BTAF1: variants seen among roughly 807,000 people sequenced by gnomAD.
BTAF1 encodes the protein B-TFIID TATA-box binding protein associated factor 1, also known as TATA-binding protein-associated factor 172.
Under a neutral mutation model 227.1 loss-of-function variants are expected in BTAF1, and 38 were observed. That is an observed-to-expected ratio of 0.17 (90% CI 0.13 to 0.22). The LOEUF (loss-of-function observed/expected upper bound fraction) is 0.22, where lower values mean the gene tolerates loss of function less well. Among genes scored for constraint, BTAF1 ranks in the 10% least tolerant of loss-of-function variants. The probability of loss-of-function intolerance (pLI) is 1.00; values close to 1 mark genes in which losing one functional copy is unlikely to be tolerated. For synonymous variants in BTAF1, 742 were observed against 751.9 expected (o/e 0.99, Z 0.21); for missense variants, 1,598 against 2,204.0 (o/e 0.73, Z 5.51).
intron 23 of BTAF1, 105 bp downstream of exon 23, chr10:91,994,749 T>G: frequency 1.1e-6 from 1 of 926,522 alleles, no homozygotes; most frequent in Non-Finnish European, 1.6e-6. Context: ...CCTTATTAAT[T>G]GCATTTTTCT....
intron 25 of BTAF1, 97 bp from the exon 26 acceptor site, chr10:92,008,026 G>C: frequency 8.6e-7 from 1 of 1,165,014 alleles, no homozygotes; most frequent in Non-Finnish European, 1.2e-6. Context: ...ACAATTTTCA[G>C]AATTCTTTTT....
intron 14 of BTAF1, among the ~76,000 whole-genome samples, chr10:91,978,755 A>G (rs1218987456): frequency 2.0e-5 from 3 of 151,672 alleles, no homozygotes; most frequent in Non-Finnish European, 4.4e-5. Context: ...GTTATCAGAA[A>G]AGTAGAGTTA....
chr10:91,959,707 A>G (rs2133891718), intron 9 of BTAF1, 78 bp from the exon 10 acceptor site: 1 of 644,296 alleles, frequency 1.6e-6, no homozygotes, highest in East Asian at 4.9e-5. Context: ...TAAAAAAATT[A>G]TGTTAAAAAA....
rs899606675 is a variant in BTAF1 at position 91,991,139 on chromosome 10, A to G, written c.2855-980A>G. Among the ~76,000 whole-genome samples the G allele has an allele frequency of 5.4e-5, 8 of 149,520 alleles. No homozygotes were observed. In the East Asian group the frequency reaches 1.6e-3, roughly 30 times the overall value. ...CAGGCACCTGTAGTCCCAGCTACTC[A>G]GGAGGCTGAGGCAGGAGACTGGCGT... On this transcript the variant is annotated intron_variant, in intron 20 of 37. Coordinates refer to ENST00000265990, the MANE Select transcript of BTAF1 (RefSeq NM_003972.3).
intron 33 of BTAF1, 72 bp from the exon 34 acceptor site, chr10:92,018,711 G>T: frequency 7.7e-7 from 1 of 1,290,802 alleles, no homozygotes; most frequent in South Asian, 2.0e-5. Context: ...ATAGCATAGG[G>T]AAAGATACAG....
intron 11 of BTAF1, among the ~76,000 whole-genome samples, chr10:91,961,033 G>C (rs1009365323): frequency 6.6e-6 from 1 of 152,084 alleles, no homozygotes; most frequent in African/African-American, 2.4e-5. Context: ...TCCAATATGA[G>C]ATGCCAGTAA....
intron 33 of BTAF1, among the ~76,000 whole-genome samples, chr10:92,017,287 T>G (rs1475058740): frequency 2.0e-5 from 3 of 152,196 alleles, no homozygotes; most frequent in Non-Finnish European, 2.9e-5. Context: ...CATGCAGGTG[T>G]ATGGGGGGAA....
Position 91,992,259 on chromosome 10 carries a change from G to A in BTAF1, c.2995G>A (p.Ala999Thr). 2 of 1,612,680 alleles carry A rather than the reference G, an allele frequency of 1.2e-6. No individual in the cohort carries two copies. The highest frequency in any genetic ancestry group is 1.7e-6 in the Non-Finnish European group (2 of 1,179,792). The change falls in exon 21 of 38, where the codon GCA becomes ACA. Residue 999 changes from alanine to threonine, a missense_variant. Around this residue, in one of 10 missense-constraint regions of BTAF1, gnomAD observed 425 missense variants for 491.2 expected, o/e 0.87. Transcript: ENST00000265990. ...PTPKAVKAQI[A>T]DLPAGSSGNI... is the part of the protein sequence containing the mutation. ...CCCCAAAGCAGTAAAAGCTCAAATA[G>A]CAGATCTTCCTGCAGGAAGTAGTGG...
chr10:91,927,736 A>C (rs1295526265), intron 1 of BTAF1, among the ~76,000 whole-genome samples: 4 of 152,206 alleles, frequency 2.6e-5, no homozygotes, highest in African/African-American at 4.8e-5. Context: ...TTATTATTTA[A>C]ATTATTCACA....
At chr10:91,980,245 A>G (rs985041762) in intron 14 of BTAF1, among the ~76,000 whole-genome samples, 2 of 152,120 alleles carry the variant, frequency 1.3e-5, no homozygotes, top group South Asian at 2.1e-4. Flanking sequence ...CCCAGTGATT[A>G]TATGTTGTTA....
intron 1 of BTAF1, among the ~76,000 whole-genome samples, chr10:91,924,751 A>G (rs1843713015): frequency 1.3e-5 from 2 of 152,214 alleles, no homozygotes; most frequent in South Asian, 2.1e-4. Flanking sequence ...AAAACTATAG[A>G]AAAACTAACG....
rs113142877 is a variant in BTAF1, at chr10:91,931,431, A to G, written c.15-4226A>G. ...GACATCTGTTACCTGTGTCTCCTCC[A>G]TCTGTCTGTCTATCCTTCAGAGAAT... On this transcript the variant is annotated intron_variant, in intron 1 of 37. Transcript: ENST00000265990. Among the ~76,000 whole-genome samples, 1,133 of 152,212 alleles carry G rather than the reference A, an allele frequency of 7.4e-3. 12 individuals are homozygous for G. The highest frequency in any genetic ancestry group is 0.025 in the African/African-American group (1,051 of 41,536).
At position 92,009,224 on chromosome 10, in the gene BTAF1, C is replaced by T. The variant is rs1255351693; in HGVS notation, c.4103+16C>T. On this transcript the variant is annotated intron_variant, in intron 28 of 37. Transcript: ENST00000265990. ...AAAGAATAAGGTAAGAGTTGTATGA[C>T]AATAACAAAATATTTCATCTGTTGT... The T allele has an allele frequency of 3.1e-6, 5 of 1,603,166 alleles. No individual in the cohort carries two copies. Among genetic ancestry groups the T allele is most frequent in the Non-Finnish European group, 4.3e-6 (5 of 1,173,262 alleles).
At chr10:91,996,969 A>G in intron 24 of BTAF1, 1 of 489,446 alleles carries the variant, frequency 2.0e-6, no homozygotes, top group Non-Finnish European at 3.4e-6. Context: ...TTTGTTCATT[A>G]CTTGGGTTTA....
At chr10:92,014,614 A>G (rs74149352) in intron 32 of BTAF1, among the ~76,000 whole-genome samples, 2,057 of 152,346 alleles carry the variant, frequency 0.014, 47 homozygotes, top group African/African-American at 0.045. Flanking sequence ...ATAAAGGCCA[A>G]AAATCTGCTT....
chr10:91,962,522 A>G lies in BTAF1; in HGVS notation c.1264-16A>G. On this transcript the variant is annotated splice_polypyrimidine_tract_variant and intron_variant, in intron 11 of 37. Transcript: ENST00000265990. ...TAGAATAGAAAATTAATTTATTTTC[A>G]TGTACTGTTTTACAGGATGTAATTA... 1.3e-6 allele frequency: 2 copies of G among 1,482,106 alleles called. No individual in the cohort carries two copies. The highest frequency in any genetic ancestry group is 1.8e-6 in the Non-Finnish European group (2 of 1,086,856). The allele number at this position is 1,482,106 out of a possible 1,614,324, so 91.8% of individuals were successfully genotyped here.
At chr10:91,948,189 C>T (rs1376323913) in intron 4 of BTAF1, among the ~76,000 whole-genome samples, 1 of 139,476 alleles carries the variant, frequency 7.2e-6, no homozygotes, top group East Asian at 2.1e-4. Context: ...CCCCGGTGTG[C>T]GACGTTCCTC....
In BTAF1 at chr10:91,958,963, T is replaced by TA. The variant is rs758870215; in HGVS notation, c.901-100dup. On this transcript the variant is annotated intron_variant, in intron 8 of 37. Transcript: ENST00000265990. ...TTGTAAAGTTCCACTTAGTTTATTC[T>TA]AATTTCTTAAAAATCCAGTATCCCT... The TA allele has an allele frequency of 2.2e-4, 226 of 1,014,880 alleles. 1 individual carries two copies. The highest frequency in any genetic ancestry group is 3.0e-4 in the Non-Finnish European group (206 of 678,778). 62.9% of individuals were successfully genotyped at this position (1,014,880 alleles called of 1,614,324 possible).
At position 92,023,034 on chromosome 10, in the gene BTAF1, C is replaced by A. The variant is rs181169498; in HGVS notation, c.4864-1722C>A. ...AGGGAAGATTATTAGAGATTCAGTA[C>A]CCAAAGTTTTTACTGGGGGCTGGTC... On this transcript the variant is annotated intron_variant, in intron 34 of 37. Coordinates refer to ENST00000265990, the MANE Select transcript of BTAF1 (RefSeq NM_003972.3). 7.4e-4 allele frequency among the ~76,000 whole-genome samples: 113 copies of A among 152,212 alleles called. 1 individual carries two copies. In the East Asian group the frequency reaches 0.02, roughly 28 times the overall value.
Sources: allele counts gnomAD v4.1 joint callset (sites outside exome capture counted in the v4.1 genomes callset), GRCh38; gene constraint gnomAD v4.1.1; regional missense constraint gnomAD v4.1.1; transcripts MANE v1.5; gene names NCBI Gene and HGNC (gene_info 2026-07-23, HGNC 2026-07-21).